The following MET variants were observed in gnomAD, a reference collection of about 807,000 sequenced individuals.
MET encodes hepatocyte growth factor receptor.
Under a neutral mutation model 133.1 loss-of-function variants are expected in MET, and 48 were observed. The ratio of observed to expected loss-of-function variants is 0.36; its 90% CI spans 0.29 to 0.46. MET has a LOEUF of 0.46. Among genes scored for constraint, MET ranks in the 20% least tolerant of loss-of-function variants. MET has a pLI of 1.00. For missense variants in MET, 1,442 were observed against 1,695.9 expected, an observed-to-expected ratio of 0.85 and a Z score of 2.63; for synonymous variants, 628 against 616.5, an observed-to-expected ratio of 1.02 and a Z score of -0.28.
At chr7:116,726,455 C>T (rs1325624514) in intron 2 of MET, among the ~76,000 whole-genome samples, 1 of 151,740 alleles carries the variant, frequency 6.6e-6, no homozygotes, top group Non-Finnish European at 1.5e-5. Context: ...ATAGTGTCCA[C>T]CTTATTCTTT....
At chr7:116,781,386 AAAT>A (rs1302768282) in intron 17 of MET, among the ~76,000 whole-genome samples, 2 of 152,194 alleles carry the variant, frequency 1.3e-5, no homozygotes, top group African/African-American at 4.8e-5. Context: ...CATACCTGGA[AAAT>A]AATAAAACTA....
chr7:116,716,287 GA>G (rs1562892872), intron 2 of MET, among the ~76,000 whole-genome samples: 243 of 20,786 alleles, frequency 0.012, 4 homozygotes, highest in African/African-American at 0.032. Flanking sequence ...GAGAGAGGGA[GA>G]GAGAGAGAGA....
chr7:116,766,264 A>T (rs958421392), intron 11 of MET, among the ~76,000 whole-genome samples: 1 of 152,228 alleles, frequency 6.6e-6, no homozygotes, highest in Non-Finnish European at 1.5e-5. Flanking sequence ...TCTGCAGCAT[A>T]TAGGAACATA....
intron 1 of MET, among the ~76,000 whole-genome samples, chr7:116,678,752 T>C (rs555428093): frequency 8.4e-4 from 128 of 152,212 alleles, no homozygotes; most frequent in South Asian, 6.9e-3. Context: ...TAGACCAGCA[T>C]TTTAGCTATT....
At chr7:116,784,917 T>C (rs1795264260) in intron 19 of MET, among the ~76,000 whole-genome samples, 1 of 152,096 alleles carries the variant, frequency 6.6e-6, no homozygotes, top group Non-Finnish European at 1.5e-5. Context: ...ACAAGTTAGT[T>C]GCTTACAAGA....
intron 19 of MET, among the ~76,000 whole-genome samples, chr7:116,789,006 A>G (rs1428629301): frequency 1.3e-5 from 2 of 152,246 alleles, no homozygotes; most frequent in African/African-American, 2.4e-5. Context: ...AAGTTCTTCC[A>G]TTAAACTGTG....
intron 8 of MET, 118 bp from the exon 9 acceptor site, chr7:116,758,341 A>G: frequency 9.6e-7 from 1 of 1,041,990 alleles, no homozygotes; most frequent in Admixed American, 1.9e-5. Context: ...AAAGGCTTCC[A>G]CTCAGGAAAT....
chr7:116,752,017 C>G (rs1396223664), intron 5 of MET, among the ~76,000 whole-genome samples: 2 of 151,976 alleles, frequency 1.3e-5, no homozygotes, highest in Non-Finnish European at 2.9e-5. Context: ...GCCAAGATTG[C>G]TCCACTGCAC....
intron 5 of MET, among the ~76,000 whole-genome samples, chr7:116,750,636 C>T (rs1793880674): frequency 6.6e-6 from 1 of 152,194 alleles, no homozygotes; most frequent in Admixed American, 6.5e-5. Flanking sequence ...TCAGAGTGAA[C>T]AGGCAACCTA....
At chr7:116,777,339 T>A in intron 15 of MET, 50 bp from the exon 16 acceptor site, 31 of 1,376,172 alleles carry the variant, frequency 2.3e-5, no homozygotes, top group Non-Finnish European at 3.2e-5. Context: ...AAATAATTAT[T>A]TCATAATTAA....
At chr7:116,704,863 A>T (rs1226729961) in intron 2 of MET, among the ~76,000 whole-genome samples, 1 of 152,144 alleles carries the variant, frequency 6.6e-6, no homozygotes, top group Non-Finnish European at 1.5e-5. Flanking sequence ...ATGCAGTTTT[A>T]GAAAAAGTCA....
chr7:116,712,131 C>A (rs2116660777), intron 2 of MET, among the ~76,000 whole-genome samples: 1 of 152,346 alleles, frequency 6.6e-6, no homozygotes, highest in East Asian at 1.9e-4. Flanking sequence ...GCCTCCCTCA[C>A]AACCCTGCCT....
chr7:116,768,906 TTAAC>T, intron 11 of MET, among the ~76,000 whole-genome samples: 1 of 152,190 alleles, frequency 6.6e-6, no homozygotes, highest in Non-Finnish European at 1.5e-5. Flanking sequence ...GTAACTTCAG[TTAAC>T]TAAATATGCC....
In MET at chr7:116,700,147, G is replaced by T. The variant is rs561295443; in HGVS notation, c.1063G>T (p.Glu355Ter). The T allele has an allele frequency of 6.3e-7, 1 of 1,596,672 alleles. No individual in the cohort carries two copies. The highest frequency in any genetic ancestry group is 8.5e-7 in the Non-Finnish European group (1 of 1,172,068). Residue 355 changes from glutamate (E) to a stop codon, truncating the protein, a stop_gained, in exon 2 of 21, where the codon GAA becomes TAA. Coordinates refer to ENST00000397752, the MANE Select transcript of MET (RefSeq NM_000245.4). LOFTEE classifies it high-confidence loss of function. The stretch of plus-strand genomic sequence containing the variant: ...CGCACAAAGCAAGCCAGATTCTGCC[G>T]AACCAATGGATCGATCTGCCATGTG... ...VFAQSKPDSA[E>*]PMDRSAMCAF...
rs1282638781 is a variant in MET, at chr7:116,700,270, C to T, written c.1186C>T (p.His396Tyr). The T allele has an allele frequency of 1.2e-6, 2 of 1,602,930 alleles. No individual in the cohort carries two copies. Among genetic ancestry groups the T allele is most frequent in the Non-Finnish European group, 1.7e-6 (2 of 1,178,352 alleles). Reference protein sequence around the residue: ...LQHFYGPNHEHCFNRTLLRNS... With the variant: ...LQHFYGPNHEYCFNRTLLRNS... ...GCATTTTTACGGACCCAATCATGAG[C>T]ACTGCTTTAATAGGGTAAGTCACAT... The change falls in exon 2 of 21, where the codon CAC (histidine) becomes TAC (tyrosine). Residue 396 changes from histidine (H) to tyrosine (Y), a missense_variant. By Grantham distance (83) the His-to-Tyr change is moderately conservative. Coordinates refer to ENST00000397752, the MANE Select transcript of MET (RefSeq NM_000245.4).
At chr7:116,694,188 CAA>C (rs1292835360) in intron 1 of MET, among the ~76,000 whole-genome samples, 1 of 152,084 alleles carries the variant, frequency 6.6e-6, no homozygotes, top group Non-Finnish European at 1.5e-5. Flanking sequence ...CTGATCTGAC[CAA>C]CACACACCTT....
chr7:116,794,297 C>A (rs1257213734), intron 19 of MET, among the ~76,000 whole-genome samples: 1 of 152,144 alleles, frequency 6.6e-6, no homozygotes, highest in African/African-American at 2.4e-5. Flanking sequence ...AATGCATATT[C>A]TGGGACTTGA....
chr7:116,724,822 G>C, intron 2 of MET: 3 of 1,289,304 alleles, frequency 2.3e-6, no homozygotes, highest in Non-Finnish European at 3.0e-6. Flanking sequence ...AGAGAGCCTA[G>C]GCTTAGTCCT....
chr7:116,736,486 G>C (rs1226309949), intron 3 of MET, among the ~76,000 whole-genome samples: 2 of 151,864 alleles, frequency 1.3e-5, no homozygotes, highest in Admixed American at 1.3e-4. Context: ...TTAATAAAAC[G>C]GTTTAATTAA....
Sources: allele counts gnomAD v4.1 joint callset (sites outside exome capture counted in the v4.1 genomes callset), GRCh38; gene constraint gnomAD v4.1.1; transcripts MANE v1.5; gene names NCBI Gene and HGNC (gene_info 2026-07-23, HGNC 2026-07-21).